Variants in LHPP observed in about 807,000 individuals in gnomAD.
LHPP encodes hLHPP.
LHPP carries 24 observed loss-of-function variants against 30.3 expected under a neutral mutation model. The ratio of observed to expected loss-of-function variants is 0.79; its 90% confidence interval spans 0.57 to 1.11. The LOEUF (loss-of-function observed/expected upper bound fraction) is 1.11. Ranked by LOEUF, LHPP falls within the 50% of genes most tolerant of loss-of-function variation. LHPP has a pLI of 0.00. For missense variants in LHPP, 356 were observed against 367.2 expected, an observed-to-expected ratio of 0.97 and a Z score of 0.25; for synonymous variants, 150 against 157.1, an observed-to-expected ratio of 0.95 and a Z score of 0.34.
At chr10:124,546,639 T>C (rs1955350677) in intron 6 of LHPP, among the ~76,000 whole-genome samples, 1 of 152,036 alleles carries the variant, frequency 6.6e-6, no homozygotes, top group African/African-American at 2.4e-5. Context: ...CTTGATCTCC[T>C]GACCTCATGA....
intron 5 of LHPP, chr10:124,498,364 G>A: frequency 6.4e-7 from 1 of 1,562,014 alleles, no homozygotes; most frequent in South Asian, 1.2e-5. Flanking sequence ...AGAAATGCCT[G>A]CGGCTTTTCC....
intron 6 of LHPP, among the ~76,000 whole-genome samples, chr10:124,585,480 T>C (rs1948792545): frequency 6.6e-6 from 1 of 151,706 alleles, no homozygotes; most frequent in African/African-American, 2.4e-5. Flanking sequence ...CCAGGCATGG[T>C]GGCTGGCGCC....
At chr10:124,474,132 CTTTTTTTTTTTT>C (rs544464876) in intron 1 of LHPP, among the ~76,000 whole-genome samples, 3 of 71,904 alleles carry the variant, frequency 4.2e-5, no homozygotes, top group African/African-American at 1.1e-4. Context: ...TTGCTTTGCC[CTTTTTTTTTTTT>C]TTTTTTTTTT....
chr10:124,606,412 C>T (rs1437706156), intron 6 of LHPP, among the ~76,000 whole-genome samples: 1 of 152,224 alleles, frequency 6.6e-6, no homozygotes, highest in African/African-American at 2.4e-5. Context: ...AGGCCCTTTT[C>T]TTTCTTTCCC....
chr10:124,567,149 C>A (rs1426457311), intron 6 of LHPP, among the ~76,000 whole-genome samples: 4 of 152,246 alleles, frequency 2.6e-5, no homozygotes, highest in African/African-American at 9.6e-5. Context: ...GCAGCCCCAT[C>A]CTTGGGATGC....
chr10:124,479,565 C>T (rs1953062274), intron 1 of LHPP, among the ~76,000 whole-genome samples: 1 of 152,082 alleles, frequency 6.6e-6, no homozygotes, highest in African/African-American at 2.4e-5. Flanking sequence ...ATCAGGGGGT[C>T]GGCATGGCCA....
intron 6 of LHPP, among the ~76,000 whole-genome samples, chr10:124,591,829 A>C (rs1948885254): frequency 5.9e-5 from 1 of 16,842 alleles, no homozygotes; most frequent in South Asian, 7.5e-3. Context: ...ACATTTGAGA[A>C]ACATTCTCAT....
chr10:124,519,399 A>G (rs1452612680), intron 6 of LHPP, among the ~76,000 whole-genome samples: 26 of 152,190 alleles, frequency 1.7e-4, no homozygotes, highest in Admixed American at 1.7e-3. Context: ...ACACTGTTTT[A>G]TGGCCTCTTT....
intron 1 of LHPP, among the ~76,000 whole-genome samples, chr10:124,465,951 C>A (rs751273315): frequency 6.6e-6 from 1 of 152,172 alleles, no homozygotes; most frequent in Non-Finnish European, 1.5e-5. Context: ...AGAACACTTT[C>A]TCTGTGAGAG....
chr10:124,526,604 C>T (rs1331359466), intron 6 of LHPP, among the ~76,000 whole-genome samples: 2 of 152,186 alleles, frequency 1.3e-5, no homozygotes, highest in African/African-American at 4.8e-5. Flanking sequence ...GGTCAGCTCC[C>T]GCCCTCCCCC....
intron 6 of LHPP, among the ~76,000 whole-genome samples, chr10:124,569,503 A>G (rs1188434293): frequency 6.6e-6 from 1 of 152,194 alleles, no homozygotes; most frequent in African/African-American, 2.4e-5. Context: ...CAGCGTTTCC[A>G]AAGCAAATGG....
chr10:124,540,043 G>T (rs185099238), intron 6 of LHPP, among the ~76,000 whole-genome samples: 1 of 152,314 alleles, frequency 6.6e-6, no homozygotes, highest in East Asian at 1.9e-4. Flanking sequence ...TCATTTTCTT[G>T]GTGTTCTCAT....
At chr10:124,613,230 G>T in intron 6 of LHPP, 34 bp from the exon 7 acceptor site, 1 of 1,511,930 alleles carries the variant, frequency 6.6e-7, no homozygotes, top group Non-Finnish European at 9.2e-7. Flanking sequence ...GGTCAGCGTG[G>T]GGGCACTGAC....
At position 124,526,073 on chromosome 10, in the gene LHPP, C is replaced by T. The variant is rs182899463; in HGVS notation, c.716+8802C>T. 682 of 635,152 alleles carry T rather than the reference C, an allele frequency of 1.1e-3. 6 individuals are homozygous for T. The African/African-American group carries it at 0.012, about 12-fold the overall frequency. The allele number at this position is 635,152 out of a possible 1,614,324, so 39.3% of individuals were successfully genotyped here. On this transcript the variant is annotated intron_variant, in intron 6 of 6. Transcript: ENST00000368842. The stretch of plus-strand genomic sequence containing the variant: ...TTGCCTCTTGGGAACGTGCAGGTCC[C>T]TCGAGGGTCCTGGAAGGCGCTGGAG...
chr10:124,588,831 G>A (rs2133999087), intron 6 of LHPP, among the ~76,000 whole-genome samples: 1 of 152,274 alleles, frequency 6.6e-6, no homozygotes, highest in Non-Finnish European at 1.5e-5. Context: ...TGACAGTCAG[G>A]TCCAGGGGGT....
rs535364721 is a variant in LHPP, at chr10:124,496,773, G to A, written c.468-188G>A. 2.0e-5 allele frequency among the ~76,000 whole-genome samples: 3 copies of A among 152,366 alleles called. No homozygotes were observed. The highest frequency in any genetic ancestry group is 4.1e-4 in the South Asian group (2 of 4,834). ...CTGCGCTCGCCCCACTGGGTGTGGC[G>A]GCCTGCCGCCCGGCTCTGTGGTGCT... is the stretch of plus-strand genomic sequence containing the variant. On this transcript the variant is annotated intron_variant, in intron 3 of 6. Coordinates refer to ENST00000368842, the MANE Select transcript of LHPP (RefSeq NM_022126.4). This position sits in a 1 kb window ranked among gnomAD's most constrained non-coding sequence, Gnocchi z 4.3.
chr10:124,470,147 A>G (rs1292143941), intron 1 of LHPP, among the ~76,000 whole-genome samples: 1 of 152,118 alleles, frequency 6.6e-6, no homozygotes, highest in Non-Finnish European at 1.5e-5. Context: ...GAGGGGAGCC[A>G]TTCAGAGGCA....
rs752954218 is a variant in LHPP at position 124,613,324 on chromosome 10, G to C, written c.777G>C (p.Glu259Asp). 2.5e-6 allele frequency: 4 copies of C among 1,613,154 alleles called. No homozygotes were observed. Among genetic ancestry groups the C allele is most frequent in the African/African-American group, 1.3e-5 (1 of 74,892 alleles). Residue 259 changes from glutamate to aspartate, a missense_variant, in exon 7 of 7, where the codon GAG (glutamate) becomes GAC (aspartate). Physicochemically the swap from Glu to Asp is conservative, Grantham distance 45. Transcript: ENST00000368842. ...KADGYVDNLA[E>D]AVDLLLQHAD... ...ATGGGTACGTGGACAACCTCGCAGA[G>C]GCAGTGGACCTGCTGCTGCAGCACG...
chr10:124,552,396 GCTCTAGGCCTCCT>G (rs1014133153), intron 6 of LHPP, among the ~76,000 whole-genome samples: 13 of 152,134 alleles, frequency 8.5e-5, no homozygotes, highest in African/African-American at 2.9e-4. Flanking sequence ...TCACATACAG[GCTCTAGGCCTCCT>G]GTCTATACTG....
Sources: gnomAD v4.1 joint callset for allele counts (sites outside exome capture counted in the v4.1 genomes callset) on GRCh38, gnomAD v4.1.1 for gene constraint, Gnocchi (gnomAD v3.1) non-coding constraint, MANE v1.5 for transcripts, NCBI Gene and HGNC (gene_info 2026-07-23, HGNC 2026-07-21) for gene names.